Variants in KIF5C observed in about 807,000 individuals in gnomAD.
The protein encoded by KIF5C is kinesin family member 5C.
Under a neutral mutation model 125.2 loss-of-function variants are expected in KIF5C, and 18 were observed. The observed-to-expected ratio is 0.14, with a 90% confidence interval of 0.10 to 0.21. KIF5C has a LOEUF of 0.21. Among genes scored for constraint, KIF5C ranks in the 10% least tolerant of loss-of-function variants. The pLI is 1.00. For missense variants in KIF5C, 780 were observed against 1,183.8 expected (o/e 0.66, Z 5.01); for synonymous variants, 405 against 434.0 (o/e 0.93, Z 0.83).
At position 148,906,897 on chromosome 2, in the gene KIF5C, A is replaced by T. The variant is rs1355988653; in HGVS notation, c.127-15240A>T. ...AATAGATAAATTAATTAATTAAATT[A>T]AAATTAAAAGAATTAGCTGGGTGTG... is the stretch of plus-strand genomic sequence containing the variant. On this transcript the variant is annotated intron_variant, in intron 1 of 25. Coordinates refer to ENST00000435030, the MANE Select transcript of KIF5C (RefSeq NM_004522.3). Among the ~76,000 whole-genome samples, 4 of 152,042 alleles carry T rather than the reference A, an allele frequency of 2.6e-5. No individual in the cohort carries two copies. The East Asian group carries it at 7.7e-4, about 29-fold the overall frequency.
rs1313863648 is a variant in KIF5C at position 149,023,152 on chromosome 2, T to G, written c.*82T>G. On this transcript the variant is annotated 3_prime_UTR_variant, in exon 26 of 26. Coordinates refer to ENST00000435030, the MANE Select transcript of KIF5C (RefSeq NM_004522.3). Reference sequence around the variant, plus strand: ...TATTTTTCCCCCCCTACAGTTTCCATTTTTTTTTTATACTTGCTTACTCCA... The same window carrying G: ...TATTTTTCCCCCCCTACAGTTTCCAGTTTTTTTTTATACTTGCTTACTCCA... The G allele has an allele frequency of 6.7e-6, 1 of 149,750 alleles. No homozygotes were observed. Among genetic ancestry groups the G allele is most frequent in the African/African-American group, 2.4e-5 (1 of 40,832 alleles). 9.3% of individuals were successfully genotyped at this position (149,750 alleles called of 1,614,324 possible).
intron 1 of KIF5C, among the ~76,000 whole-genome samples, chr2:148,908,671 G>A (rs1407660000): frequency 1.3e-5 from 2 of 152,126 alleles, no homozygotes; most frequent in Non-Finnish European, 2.9e-5. Context: ...GCTCCCCATT[G>A]TACCTGCTTT....
At chr2:148,944,746 A>C (rs1395028818) in intron 7 of KIF5C, among the ~76,000 whole-genome samples, 1 of 152,190 alleles carries the variant, frequency 6.6e-6, no homozygotes, top group Non-Finnish European at 1.5e-5. Flanking sequence ...TTTCTATAGC[A>C]GCTGTACCAT....
intron 2 of KIF5C, among the ~76,000 whole-genome samples, chr2:148,925,049 C>T (rs138569888): frequency 0.14 from 21,251 of 152,068 alleles, 2,321 homozygotes; most frequent in African/African-American, 0.3. Context: ...ATGCAAAATG[C>T]CACGGGAACA....
At chr2:148,920,201 C>T (rs1394083875) in intron 1 of KIF5C, among the ~76,000 whole-genome samples, 6 of 152,194 alleles carry the variant, frequency 3.9e-5, no homozygotes, top group Admixed American at 1.3e-4. Context: ...GTAAACAAGA[C>T]GCTTTACTTT....
At chr2:148,949,500 C>A (rs1468685758) in intron 8 of KIF5C, among the ~76,000 whole-genome samples, 1 of 152,146 alleles carries the variant, frequency 6.6e-6, no homozygotes, top group Admixed American at 6.5e-5. Flanking sequence ...ATGGGGACTG[C>A]GGCTCAGTCT....
intron 11 of KIF5C, among the ~76,000 whole-genome samples, chr2:148,972,811 G>A (rs1438904870): frequency 6.6e-6 from 1 of 152,232 alleles, no homozygotes; most frequent in African/African-American, 2.4e-5. Flanking sequence ...GGGCTACCCT[G>A]TCTTCTGACC....
At chr2:148,931,181 C>G (rs1158035711) in intron 3 of KIF5C, among the ~76,000 whole-genome samples, 1 of 152,166 alleles carries the variant, frequency 6.6e-6, no homozygotes, top group African/African-American at 2.4e-5. Context: ...AAAACAAAAG[C>G]AACCTGCATT....
At chr2:148,964,105 G>A (rs538428155) in intron 11 of KIF5C, among the ~76,000 whole-genome samples, 7 of 152,148 alleles carry the variant, frequency 4.6e-5, no homozygotes, top group Admixed American at 2.0e-4. Context: ...GAGAAACCCT[G>A]TCTCTACTAA....
chr2:149,014,874 G>A (rs1209786443), intron 25 of KIF5C, among the ~76,000 whole-genome samples: 1 of 152,122 alleles, frequency 6.6e-6, no homozygotes, highest in Non-Finnish European at 1.5e-5. Flanking sequence ...TTGTTGCTAT[G>A]AACTGACATA....
intron 1 of KIF5C, among the ~76,000 whole-genome samples, chr2:148,901,136 A>G (rs1279031796): frequency 6.6e-6 from 1 of 152,220 alleles, no homozygotes; most frequent in Non-Finnish European, 1.5e-5. Flanking sequence ...TGTCAAAATC[A>G]TCTAGTGGAA....
At chr2:148,887,162 A>G (rs1179190414) in intron 1 of KIF5C, among the ~76,000 whole-genome samples, 1 of 152,256 alleles carries the variant, frequency 6.6e-6, no homozygotes, top group Non-Finnish European at 1.5e-5. Flanking sequence ...ATATTTAAAA[A>G]TATTCATTAC....
At chr2:148,957,774 T>G (rs1485977148) in intron 10 of KIF5C, among the ~76,000 whole-genome samples, 1 of 152,082 alleles carries the variant, frequency 6.6e-6, no homozygotes, top group Non-Finnish European at 1.5e-5. Flanking sequence ...ATACATAAAC[T>G]TAAGTGCATA....
intron 8 of KIF5C, among the ~76,000 whole-genome samples, chr2:148,948,280 C>T (rs1682571706): frequency 6.6e-6 from 1 of 151,562 alleles, no homozygotes; most frequent in East Asian, 1.9e-4. Context: ...TGGCGTGAAC[C>T]CGGGAGGCGG....
intron 15 of KIF5C, among the ~76,000 whole-genome samples, chr2:148,990,061 C>T (rs1313402084): frequency 6.9e-6 from 1 of 145,112 alleles, no homozygotes; most frequent in Non-Finnish European, 1.5e-5. Context: ...GGACAGGGCT[C>T]TTTGTTTTCT....
chr2:149,000,305 A>G, intron 19 of KIF5C, 118 bp from the exon 20 acceptor site: 1 of 1,281,630 alleles, frequency 7.8e-7, no homozygotes, highest in Non-Finnish European at 1.1e-6. Flanking sequence ...CAAATCCTGC[A>G]GAATTACTGC....
In KIF5C at chr2:149,000,773, G is replaced by C; in HGVS notation, c.2364G>C (p.Glu788Asp). The stretch of plus-strand genomic sequence containing the variant: ...CCAGAGAAGACCTCAAAGGGCTGGA[G>C]GAGACAGTGGTATGTCAAGATATTT... The part of the protein sequence containing the change: ...EQAREDLKGL[E>D]ETVSRELQTL... Residue 788 changes from glutamate to aspartate, a missense_variant, in exon 21 of 26, where the codon GAG becomes GAC. Glu to Asp is a conservative substitution (Grantham distance 45). This residue lies in a region of KIF5C where 573 missense variants were observed against 742.6 expected (regional missense o/e 0.77). Transcript: ENST00000435030. 3 of 1,613,846 alleles carry C rather than the reference G, an allele frequency of 1.9e-6. No individual in the cohort carries two copies. In the South Asian group the frequency reaches 3.3e-5, roughly 18 times the overall value.
At chr2:148,889,864 G>A (rs970342134) in intron 1 of KIF5C, among the ~76,000 whole-genome samples, 1 of 152,180 alleles carries the variant, frequency 6.6e-6, no homozygotes, top group African/African-American at 2.4e-5. Context: ...CCTGAGTAAG[G>A]TAAACAAAAG....
Position 149,024,515 on chromosome 2 carries a change from A to AGTGTGTGTGT in KIF5C, c.*1482_*1491dup, listed in dbSNP as rs10577971. 7.7e-4 allele frequency: 99 copies of AGTGTGTGTGT among 128,708 alleles called. No individual in the cohort carries two copies. Among genetic ancestry groups the AGTGTGTGTGT allele is most frequent in the African/African-American group, 2.6e-3 (93 of 35,330 alleles). 8.0% of individuals were successfully genotyped at this position (128,708 alleles called of 1,614,324 possible). A position where few individuals can be genotyped will look rare whatever the true frequency, so the allele number is the denominator to read the frequency against. Reference sequence around the variant, plus strand: ...GACTGTGTGGGTCGAAGGTAGCTCAAGTGTGTGTGTGTGTGTGTGTGTGTG... The same window carrying AGTGTGTGTGT: ...GACTGTGTGGGTCGAAGGTAGCTCAAGTGTGTGTGTGTGTGTGTGTGTGTGTGTGTGTGTG... On this transcript the variant is annotated 3_prime_UTR_variant, in exon 26 of 26. Coordinates refer to ENST00000435030, the MANE Select transcript of KIF5C (RefSeq NM_004522.3).
Sources: allele counts gnomAD v4.1 joint callset (sites outside exome capture counted in the v4.1 genomes callset), GRCh38; gene constraint gnomAD v4.1.1; regional missense constraint gnomAD v4.1.1; transcripts MANE v1.5; gene names NCBI Gene and HGNC (gene_info 2026-07-23, HGNC 2026-07-21).